INTS11: variants seen among roughly 807,000 people sequenced by gnomAD.
INTS11 encodes CPSF3-like protein.
INTS11 carries 77 observed loss-of-function variants against 78.6 expected under a neutral mutation model. The observed-to-expected ratio is 0.98, with a 90% CI of 0.81 to 1.18. The LOEUF (loss-of-function observed/expected upper bound fraction) is 1.18, where lower values mean the gene tolerates loss of function less well. Ranked by LOEUF, INTS11 falls within the 50% of genes most tolerant of loss-of-function variation. INTS11 has a pLI of 0.00. For missense variants in INTS11, 875 were observed against 825.9 expected (o/e 1.06, Z -0.73); for synonymous variants, 441 against 326.9 (o/e 1.35, Z -3.77).
intron 2 of INTS11, 60 bp from the exon 3 acceptor site, chr1:1,320,589 C>G: frequency 6.4e-7 from 1 of 1,562,544 alleles, no homozygotes; most frequent in South Asian, 1.1e-5. Flanking sequence ...TCTGGGGCCA[C>G]CCATGCCCCA....
Position 1,312,213 on chromosome 1 carries a change from G to GGGGGGCCGGGCGCCCCCCCCC in INTS11, c.1607+12_1607+13insGGGGGGGGGCGCCCGGCCCCC. 1 of 934,630 alleles carries GGGGGGCCGGGCGCCCCCCCCC rather than the reference G, an allele frequency of 1.1e-6. No individual in the cohort carries two copies. Among genetic ancestry groups the GGGGGGCCGGGCGCCCCCCCCC allele is most frequent in the Non-Finnish European group, 1.6e-6 (1 of 636,678 alleles). 57.9% of individuals were successfully genotyped at this position (934,630 alleles called of 1,614,324 possible). On this transcript the variant is annotated intron_variant, in intron 15 of 16. Transcript: ENST00000435064. The stretch of plus-strand genomic sequence containing the variant: ...CCCAAGGGAGTGGGGGGGGGGCGGG[G>GGGGGGCCGGGCGCCCCCCCCC]CCGGGCGCCCACCTCTTGAGGTGGC...
In INTS11 at chr1:1,312,362, GGA is replaced by G; in HGVS notation, c.1469_1470del (p.Phe490SerfsTer16). 1 of 1,565,532 alleles carries G rather than the reference GGA, an allele frequency of 6.4e-7. No individual in the cohort carries two copies. Among genetic ancestry groups the G allele is most frequent in the Non-Finnish European group, 8.7e-7 (1 of 1,154,656 alleles). On this transcript the variant is annotated frameshift_variant, in exon 15 of 17. Transcript: ENST00000435064. LOFTEE classifies it high-confidence loss of function. ...AGGGCTTGCTCTGAGGACACCAGCC[GGA>G]AGTTCTGTGGGGCAGGGACAGGTCA... ...HGTLIMKDSN[F>X]RLVSSEQALK...
At chr1:1,321,934 C>T (rs1642971173) in intron 1 of INTS11, 1 of 951,966 alleles carries the variant, frequency 1.1e-6, no homozygotes, top group Non-Finnish European at 1.3e-6. Context: ...CTCGAAGTGT[C>T]CAAAGCCAGC....
intron 3 of INTS11, chr1:1,319,735 G>A (rs958585779): frequency 1.6e-5 from 9 of 575,056 alleles, no homozygotes; most frequent in African/African-American, 1.5e-4. Context: ...ACGGGAAATT[G>A]AACACGTCGG....
rs200085739 is a variant in INTS11, at chr1:1,311,997, G to A, written c.1737+21C>T. 4.4e-6 allele frequency: 7 copies of A among 1,588,364 alleles called. No homozygotes were observed. The African/African-American group carries it at 9.4e-5, about 21-fold the overall frequency. On this transcript the variant is annotated intron_variant, in intron 16 of 16. Transcript: ENST00000435064. ...TGTTGATACCTGTGTTGACCGCGGTGGGGTGGGGGTCACCCCTTACCTGGT... is the reference window on the plus strand; with the variant it reads ...TGTTGATACCTGTGTTGACCGCGGTAGGGTGGGGGTCACCCCTTACCTGGT...
chr1:1,324,605 G>T lies in INTS11; in HGVS notation c.4C>A (p.Pro2Thr). ...CCCAAGGGCGTGACTCTGATCTCAG[G>T]CATCGTCTCCGCCGCGCTCCCGGAC... MPEIRVTPLGAG... is the reference protein window; with the variant it reads MTEIRVTPLGAG... The change falls in exon 1 of 17, where the codon CCT (proline) becomes ACT (threonine). Residue 2 changes from proline to threonine, a missense_variant. Transcript: ENST00000435064. The T allele has an allele frequency of 6.3e-7, 1 of 1,598,806 alleles. No individual in the cohort carries two copies. The highest frequency in any genetic ancestry group is 8.5e-7 in the Non-Finnish European group (1 of 1,174,492).
intron 3 of INTS11, 152 bp from the exon 4 acceptor site, chr1:1,319,676 CTG>C: frequency 1.0e-5 from 6 of 596,544 alleles, no homozygotes; most frequent in Non-Finnish European, 1.5e-5. Flanking sequence ...AAACACAAAA[CTG>C]TCTCCCTGGA....
In INTS11 at chr1:1,324,591, G is replaced by A. The variant is rs370932860; in HGVS notation, c.18C>T (p.Val6=). 3.1e-6 allele frequency: 5 copies of A among 1,596,622 alleles called. No individual in the cohort carries two copies. In the East Asian group the frequency reaches 9.4e-5, roughly 30 times the overall value. Residue 6 remains valine, a synonymous_variant, in exon 1 of 17, where the codon GTC becomes GTT. Coordinates refer to ENST00000435064, the MANE Select transcript of INTS11 (RefSeq NM_017871.6). ...GCGGCTCCCACTCACCCAAGGGCGT[G>A]ACTCTGATCTCAGGCATCGTCTCCG... is the stretch of plus-strand genomic sequence containing the variant. MPEIR[V]TPLGAGQDVG...
intron 3 of INTS11, 124 bp from the exon 4 acceptor site, chr1:1,319,648 G>A (rs112653110): frequency 0.047 from 30,136 of 647,578 alleles, 896 homozygotes; most frequent in Non-Finnish European, 0.061. Flanking sequence ...CCCGAGTACC[G>A]AAGAGTCAGT....
Position 1,312,784 on chromosome 1 carries a change from T to C in INTS11, c.1294+3A>G. The C allele has an allele frequency of 2.5e-6, 4 of 1,606,488 alleles. No individual in the cohort carries two copies. Among genetic ancestry groups the C allele is most frequent in the Non-Finnish European group, 3.4e-6 (4 of 1,175,684 alleles). ...GCCCCACGCCGCCCGCCCGGCTGCC[T>C]ACGGAGCTCCTGCTCGATCTTCTGC... On this transcript the variant is annotated splice_donor_region_variant and intron_variant, in intron 12 of 16. Transcript: ENST00000435064.
Position 1,313,077 on chromosome 1 carries a change from G to T in INTS11, c.1089C>A (p.Ile363=). The change falls in exon 11 of 17, where the codon ATC becomes ATA. Residue 363 remains isoleucine (I), a synonymous_variant. Coordinates refer to ENST00000435064, the MANE Select transcript of INTS11 (RefSeq NM_017871.6). ...TCTCGAGCTTCCGCTGCCCGCTGAG[G>T]ATCTTGTGGCCGACGGTGCCCTGCA... is the stretch of plus-strand genomic sequence containing the variant. ...YCVQGTVGHK[I]LSGQRKLEME... 1 of 1,609,972 alleles carries T rather than the reference G, an allele frequency of 6.2e-7. No individual in the cohort carries two copies. The highest frequency in any genetic ancestry group is 8.5e-7 in the Non-Finnish European group (1 of 1,179,864).
At chr1:1,312,542 TC>T in intron 13 of INTS11, 41 bp from the exon 14 acceptor site, 1 of 1,581,596 alleles carries the variant, frequency 6.3e-7, no homozygotes, top group Non-Finnish European at 8.6e-7. Flanking sequence ...TGAGGGCCGC[TC>T]CCAGCCGCCT....
chr1:1,312,467 C>T lies in INTS11; in HGVS notation c.1437G>A (p.Leu479=), dbSNP rs909956161. ...LLPEAKKPRL[L]HGTLIMKDSN... is the part of the protein sequence containing the mutation. ...TGTCCTTCATGATCAGGGTGCCGTGCAGGAGCCGAGGCTTCTTGGCCTCAG... is the reference window on the plus strand; with the variant it reads ...TGTCCTTCATGATCAGGGTGCCGTGTAGGAGCCGAGGCTTCTTGGCCTCAG... The change falls in exon 14 of 17, where the codon CTG becomes CTA. Residue 479 remains leucine (L), a synonymous_variant. Transcript: ENST00000435064. 2 of 1,576,074 alleles carry T rather than the reference C, an allele frequency of 1.3e-6. No homozygotes were observed. The highest frequency in any genetic ancestry group is 1.7e-6 in the Non-Finnish European group (2 of 1,161,450).
chr1:1,312,213 G>GGGGGGCCCGGGCCCCCCCCCCCC lies in INTS11; in HGVS notation c.1607+12_1607+13insGGGGGGGGGGGGCCCGGGCCCCC. ...CCCAAGGGAGTGGGGGGGGGGCGGGGCCGGGCGCCCACCTCTTGAGGTGGC... is the reference window on the plus strand; with the variant it reads ...CCCAAGGGAGTGGGGGGGGGGCGGGGGGGGGCCCGGGCCCCCCCCCCCCCCGGGCGCCCACCTCTTGAGGTGGC... On this transcript the variant is annotated intron_variant, in intron 15 of 16. Coordinates refer to ENST00000435064, the MANE Select transcript of INTS11 (RefSeq NM_017871.6). The GGGGGGCCCGGGCCCCCCCCCCCC allele has an allele frequency of 1.1e-6, 1 of 934,626 alleles. No homozygotes were observed. The highest frequency in any genetic ancestry group is 1.6e-6 in the Non-Finnish European group (1 of 636,674). 57.9% of individuals were successfully genotyped at this position (934,626 alleles called of 1,614,324 possible).
Position 1,314,378 on chromosome 1 carries a change from C to G in INTS11, c.703-13G>C. 1 of 1,601,252 alleles carries G rather than the reference C, an allele frequency of 6.2e-7. No individual in the cohort carries two copies. Among genetic ancestry groups the G allele is most frequent in the Non-Finnish European group, 8.5e-7 (1 of 1,174,068 alleles). ...CAGGTATCAGCACCTGAGGGGGACA[C>G]AAGGCAGGAGCCCTGGGCACATGGC... On this transcript the variant is annotated splice_polypyrimidine_tract_variant and intron_variant, in intron 7 of 16. Transcript: ENST00000435064. The surrounding 1 kb of genome is among the most constrained non-coding windows in gnomAD (Gnocchi z 4.2).
At position 1,312,157 on chromosome 1, in the gene INTS11, G is replaced by C. The variant is rs1055551604; in HGVS notation, c.1608-10C>G. 1 of 1,511,548 alleles carries C rather than the reference G, an allele frequency of 6.6e-7. No individual in the cohort carries two copies. The highest frequency in any genetic ancestry group is 8.8e-7 in the Non-Finnish European group (1 of 1,130,132). 93.6% of individuals were successfully genotyped at this position (1,511,548 alleles called of 1,614,324 possible). ...GTGGTCCTTCAGGACGCTGTGGGGA[G>C]GCTCGGTGAGACCCTGCCTGGCCTC... On this transcript the variant is annotated splice_polypyrimidine_tract_variant and intron_variant, in intron 15 of 16. Transcript: ENST00000435064.
At chr1:1,319,641 G>A (rs1642828804) in intron 3 of INTS11, 117 bp from the exon 4 acceptor site, 2 of 655,816 alleles carry the variant, frequency 3.0e-6, no homozygotes, top group Non-Finnish European at 5.2e-6. Flanking sequence ...GCCTCATCCC[G>A]AGTACCGAAG....
intron 2 of INTS11, 163 bp from the exon 3 acceptor site, chr1:1,320,692 G>A: frequency 1.3e-6 from 1 of 779,578 alleles, no homozygotes; most frequent in Non-Finnish European, 2.3e-6. Flanking sequence ...GCTGCTCACA[G>A]CATCCGGAGG....
Position 1,314,230 on chromosome 1 carries a change from G to A in INTS11, c.767+71C>T. ...AGATGCCACCGCTACGCTGGACAGG[G>A]CTGCCCACCAACTGGACTGTGTTCA... On this transcript the variant is annotated intron_variant, in intron 8 of 16. Coordinates refer to ENST00000435064, the MANE Select transcript of INTS11 (RefSeq NM_017871.6). The surrounding 1 kb of genome is among the most constrained non-coding windows in gnomAD (Gnocchi z 4.2). 1 of 1,375,308 alleles carries A rather than the reference G, an allele frequency of 7.3e-7. No homozygotes were observed. The highest frequency in any genetic ancestry group is 1.0e-6 in the Non-Finnish European group (1 of 986,798). 85.2% of individuals were successfully genotyped at this position (1,375,308 alleles called of 1,614,324 possible).
Sources: gnomAD v4.1 joint callset for allele counts on GRCh38, gnomAD v4.1.1 for gene constraint, Gnocchi (gnomAD v3.1) non-coding constraint, MANE v1.5 for transcripts, NCBI Gene and HGNC (gene_info 2026-07-23, HGNC 2026-07-21) for gene names.